BLACAT1: variants seen among roughly 807,000 people sequenced by gnomAD.
The protein encoded by BLACAT1 is bladder cancer associated transcript 1.
chr1:205,439,256 T>A (rs1190130135), downstream of BLACAT1, among the ~76,000 whole-genome samples: 2 of 152,218 alleles, frequency 1.3e-5, no homozygotes, highest in African/African-American at 4.8e-5. Flanking sequence ...AATCTTGCTG[T>A]TCCCTTGAGG....
At chr1:205,454,927 T>C (rs894709561) in intron 1 of BLACAT1, among the ~76,000 whole-genome samples, 1 of 150,596 alleles carries the variant, frequency 6.6e-6, no homozygotes, top group South Asian at 2.1e-4. Context: ...TTAATGAGGG[T>C]TGAGGAAAGG....
At position 205,450,651 on chromosome 1, in the gene BLACAT1, C is replaced by T. The variant is rs1431155674; in HGVS notation, c.-37+5266G>A. On this transcript the variant is annotated intron_variant, in intron 1 of 1. Transcript: ENST00000629624. The surrounding 1 kb of genome is among the most constrained non-coding windows in gnomAD (Gnocchi z 4.4). The stretch of plus-strand genomic sequence containing the variant: ...ATTCCCAGCCATAGCCTGCCAATCC[C>T]AGCTGCCTATCCCTGGGCACATGAA... Among the ~76,000 whole-genome samples the T allele has an allele frequency of 6.6e-6, 1 of 152,164 alleles. No homozygotes were observed. The highest frequency in any genetic ancestry group is 1.5e-5 in the Non-Finnish European group (1 of 68,042).
At chr1:205,446,884 C>T (rs1666398097) in intron 1 of BLACAT1, among the ~76,000 whole-genome samples, 1 of 152,234 alleles carries the variant, frequency 6.6e-6, no homozygotes, top group African/African-American at 2.4e-5. Context: ...AGCAAAAACC[C>T]AGCTGGCTTG....
In BLACAT1 at chr1:205,450,757, C is replaced by G. The variant is rs187067120; in HGVS notation, c.-37+5160G>C. On this transcript the variant is annotated intron_variant, in intron 1 of 1. Coordinates refer to ENST00000629624, the Ensembl canonical transcript of BLACAT1. This position sits in a 1 kb window ranked among gnomAD's most constrained non-coding sequence, Gnocchi z 4.4. ...AGCTGTGGAAGTAGGGCATCTCTCT[C>G]TAAGGTGTGTCTGGGCCAGAGGGAC... Among the ~76,000 whole-genome samples, 3 of 152,328 alleles carry G rather than the reference C, an allele frequency of 2.0e-5. No homozygotes were observed. In the East Asian group the frequency reaches 5.8e-4, roughly 29 times the overall value.
exon 2 of BLACAT1, among the ~76,000 whole-genome samples, chr1:205,440,375 C>T (rs1319820101): frequency 6.6e-6 from 1 of 152,230 alleles, no homozygotes; most frequent in African/African-American, 2.4e-5. Context: ...CCTGGCCCCA[C>T]CTGGCCCAGG....
chr1:205,455,182 C>T (rs566606669), intron 1 of BLACAT1, among the ~76,000 whole-genome samples: 10 of 152,230 alleles, frequency 6.6e-5, no homozygotes, highest in African/African-American at 1.2e-4. Flanking sequence ...CTCCTAGCTC[C>T]GGCCTTTCTT....
rs560996618 is a variant in BLACAT1, at chr1:205,445,210, G to A, written c.-36-4148C>T. ...CCTCCCTCTCCCTCTCCCTCTGGCC[G>A]CCACGGAGCCTCCTTCCCCACCCCT... On this transcript the variant is annotated intron_variant, in intron 1 of 1. Transcript: ENST00000629624. 8.5e-5 allele frequency among the ~76,000 whole-genome samples: 13 copies of A among 152,176 alleles called. No homozygotes were observed. The South Asian group carries it at 2.5e-3, about 29-fold the overall frequency.
intron 1 of BLACAT1, among the ~76,000 whole-genome samples, chr1:205,455,387 A>T (rs1666550123): frequency 6.6e-6 from 1 of 152,148 alleles, no homozygotes; most frequent in African/African-American, 2.4e-5. Flanking sequence ...TGGCCCACGG[A>T]CATGGCTTCT....
At chr1:205,445,846 G>A (rs1020462150) in intron 1 of BLACAT1, among the ~76,000 whole-genome samples, 2 of 152,180 alleles carry the variant, frequency 1.3e-5, no homozygotes, top group Non-Finnish European at 2.9e-5. Context: ...TCAAACTTTC[G>A]AAAGATGGGG....
In BLACAT1 at chr1:205,452,133, C is replaced by T. The variant is rs566179857; in HGVS notation, c.-37+3784G>A. 3.9e-4 allele frequency among the ~76,000 whole-genome samples: 60 copies of T among 152,282 alleles called. 1 individual carries two copies. Among genetic ancestry groups the T allele is most frequent in the African/African-American group, 1.4e-3 (59 of 41,558 alleles). On this transcript the variant is annotated intron_variant, in intron 1 of 1. Transcript: ENST00000629624. Reference sequence around the variant, plus strand: ...TGTGCCCTCCCCTCCTCTGTAGTAACAAGTCCCTTAATCTTAGTGCAAGCT... The same window carrying T: ...TGTGCCCTCCCCTCCTCTGTAGTAATAAGTCCCTTAATCTTAGTGCAAGCT...
chr1:205,439,977 G>A (rs1666266296), exon 2 of BLACAT1, among the ~76,000 whole-genome samples: 1 of 152,030 alleles, frequency 6.6e-6, no homozygotes, highest in Non-Finnish European at 1.5e-5. Flanking sequence ...GGGGGATGAG[G>A]GAAAAAGTCG....
intron 1 of BLACAT1, among the ~76,000 whole-genome samples, chr1:205,452,243 T>C (rs1666507265): frequency 6.6e-6 from 1 of 152,072 alleles, no homozygotes; most frequent in Non-Finnish European, 1.5e-5. Context: ...GAGCCCCCAG[T>C]CCCACCATTT....
chr1:205,438,371 G>A (rs1333224846), downstream of BLACAT1, among the ~76,000 whole-genome samples: 3 of 152,234 alleles, frequency 2.0e-5, no homozygotes, highest in Non-Finnish European at 4.4e-5. Context: ...GAGAGAGGAT[G>A]GGAAGGCAGG....
At chr1:205,444,065 T>TC (rs1666341745) in intron 1 of BLACAT1, among the ~76,000 whole-genome samples, 1 of 151,014 alleles carries the variant, frequency 6.6e-6, no homozygotes, top group Non-Finnish European at 1.5e-5. Context: ...GGGGGAGGAG[T>TC]CTGGACTAGC....
At chr1:205,446,942 G>A (rs893616701) in intron 1 of BLACAT1, among the ~76,000 whole-genome samples, 3 of 152,200 alleles carry the variant, frequency 2.0e-5, no homozygotes, top group East Asian at 1.9e-4. Context: ...CGCTCCCCCC[G>A]ACCTCCTGTG....
chr1:205,443,058 CAGGTGGATTCCCGTGTAATCAGTTATTGT>C (rs1159407198), intron 1 of BLACAT1, among the ~76,000 whole-genome samples: 1 of 152,192 alleles, frequency 6.6e-6, no homozygotes, highest in African/African-American at 2.4e-5. Context: ...GGAGGGAGGG[CAGGTGGATTCCCGTGTAATCAGTTATTGT>C]CACACGTGCA....
Position 205,448,431 on chromosome 1 carries a change from G to T in BLACAT1, c.-36-7369C>A, listed in dbSNP as rs1206066894. 7.5e-6 allele frequency: 4 copies of T among 532,452 alleles called. No homozygotes were observed. Among genetic ancestry groups the T allele is most frequent in the Non-Finnish European group, 1.2e-5 (3 of 259,684 alleles). The allele number at this position is 532,452 out of a possible 1,614,324, so 33.0% of individuals were successfully genotyped here. On this transcript the variant is annotated intron_variant, in intron 1 of 1. Transcript: ENST00000629624. This position sits in a 1 kb window ranked among gnomAD's most constrained non-coding sequence, Gnocchi z 4.7. Reference sequence around the variant, plus strand: ...CCAGCGGCAGGAATCTCATAGGGAAGCGAGAAGCTGGGGCACCCGAGAAGC... The same window carrying T: ...CCAGCGGCAGGAATCTCATAGGGAATCGAGAAGCTGGGGCACCCGAGAAGC...
intron 1 of BLACAT1, among the ~76,000 whole-genome samples, chr1:205,453,151 A>G (rs1273783747): frequency 6.6e-6 from 1 of 152,074 alleles, no homozygotes; most frequent in Non-Finnish European, 1.5e-5. Context: ...TGCCCCAAAC[A>G]AGCCTGCAGA....
chr1:205,445,041 C>T (rs1055187394), intron 1 of BLACAT1, among the ~76,000 whole-genome samples: 12 of 152,212 alleles, frequency 7.9e-5, no homozygotes, highest in Non-Finnish European at 1.5e-4. Context: ...TTCACCTTCC[C>T]TCCCTGAGCC....
Sources: gnomAD v4.1 joint callset for allele counts (sites outside exome capture counted in the v4.1 genomes callset) on GRCh38, gnomAD v4.1.1 for gene constraint, Gnocchi (gnomAD v3.1) non-coding constraint, MANE v1.5 for transcripts, NCBI Gene and HGNC (gene_info 2026-07-23, HGNC 2026-07-21) for gene names.